The following SUGCT variants were observed in gnomAD, a reference collection of about 807,000 sequenced individuals.
SUGCT encodes succinyl-CoA:glutarate CoA-transferase.
SUGCT carries 41 observed loss-of-function variants against 55.0 expected under a neutral mutation model. That is an observed-to-expected ratio of 0.74 (90% confidence interval 0.58 to 0.97). SUGCT has a LOEUF of 0.97. Among genes scored for constraint, SUGCT ranks in the 50% least tolerant of loss-of-function variants. The pLI, the probability that SUGCT is intolerant of heterozygous loss-of-function variation, is 0.00. For synonymous variants in SUGCT, 187 were observed against 200.4 expected, an observed-to-expected ratio of 0.93 and a Z score of 0.56; for missense variants, 568 against 547.8, an observed-to-expected ratio of 1.04 and a Z score of -0.37.
the SUGCT span, among the ~76,000 whole-genome samples, chr7:41,037,983 G>A: frequency 2.6e-5 from 4 of 152,090 alleles, no homozygotes; most frequent in South Asian, 8.3e-4. Context: ...TCAGAACACA[G>A]GAAAGGAAAA....
chr7:40,682,451 G>A (rs1784293884), intron 12 of SUGCT, among the ~76,000 whole-genome samples: 1 of 152,180 alleles, frequency 6.6e-6, no homozygotes, highest in Admixed American at 6.5e-5. Context: ...CTTGTGACTG[G>A]CATCTGAAGT....
chr7:40,391,284 G>A (rs1443190004), intron 9 of SUGCT, among the ~76,000 whole-genome samples: 4 of 152,228 alleles, frequency 2.6e-5, no homozygotes, highest in African/African-American at 9.6e-5. Context: ...TTGACAAATG[G>A]GATCTAATTA....
intron 9 of SUGCT, among the ~76,000 whole-genome samples, chr7:40,395,242 A>T (rs1279141961): frequency 6.6e-6 from 1 of 152,058 alleles, no homozygotes; most frequent in Non-Finnish European, 1.5e-5. Flanking sequence ...CAATCCCAGC[A>T]TTTTGGGAGG....
At chr7:40,868,988 A>T in the SUGCT span, among the ~76,000 whole-genome samples, 4 of 152,260 alleles carry the variant, frequency 2.6e-5, no homozygotes, top group Non-Finnish European at 5.9e-5. Context: ...TAACCAATGT[A>T]ACATTATGTA....
At chr7:40,841,624 T>A (rs1793286496) in intron 13 of SUGCT, among the ~76,000 whole-genome samples, 1 of 152,224 alleles carries the variant, frequency 6.6e-6, no homozygotes, top group South Asian at 2.1e-4. Flanking sequence ...TTGTAAGACA[T>A]CTCTGACATA....
At chr7:40,234,758 A>G (rs780340116) in intron 6 of SUGCT, among the ~76,000 whole-genome samples, 4 of 151,938 alleles carry the variant, frequency 2.6e-5, no homozygotes, top group Non-Finnish European at 5.9e-5. Context: ...AAAATGCAAA[A>G]ATTAGCTGGG....
chr7:40,573,704 A>T (rs1040685704), intron 12 of SUGCT, among the ~76,000 whole-genome samples: 2 of 152,192 alleles, frequency 1.3e-5, no homozygotes, highest in Non-Finnish European at 2.9e-5. Flanking sequence ...GAAATGGCAG[A>T]TGCCTTAATG....
chr7:40,367,158 C>T (rs533690954), intron 9 of SUGCT, among the ~76,000 whole-genome samples: 57 of 150,872 alleles, frequency 3.8e-4, no homozygotes, highest in East Asian at 1.2e-3. Context: ...AGTAAACTAT[C>T]GCAAGGACAA....
intron 13 of SUGCT, among the ~76,000 whole-genome samples, chr7:40,812,874 A>C (rs528713551): frequency 3.5e-4 from 53 of 152,188 alleles, no homozygotes; most frequent in Middle Eastern, 3.4e-3. Flanking sequence ...CTTTCCTCTT[A>C]TCACTGTTTT....
At chr7:40,904,000 G>A in the SUGCT span, among the ~76,000 whole-genome samples, 112 of 152,132 alleles carry the variant, frequency 7.4e-4, 1 homozygote, top group Non-Finnish European at 2.2e-4. Flanking sequence ...CAAGCTTGGC[G>A]CAGCTTACAT....
intron 12 of SUGCT, among the ~76,000 whole-genome samples, chr7:40,658,058 A>T (rs1801115785): frequency 6.6e-6 from 1 of 152,214 alleles, no homozygotes. Flanking sequence ...AGAACAACTT[A>T]GGTGAAAGGG....
At chr7:40,326,726 ATGGTT>A (rs1796044152) in intron 9 of SUGCT, among the ~76,000 whole-genome samples, 1 of 152,188 alleles carries the variant, frequency 6.6e-6, no homozygotes, top group South Asian at 2.1e-4. Flanking sequence ...AGTTTATTGA[ATGGTT>A]TAATTAATTG....
the SUGCT span, among the ~76,000 whole-genome samples, chr7:40,994,299 C>T: frequency 1.3e-5 from 2 of 152,252 alleles, no homozygotes; most frequent in South Asian, 4.1e-4. Flanking sequence ...AGTTCAGTTT[C>T]TTCCATATCA....
chr7:40,869,051 T>G, the SUGCT span, among the ~76,000 whole-genome samples: 1 of 152,226 alleles, frequency 6.6e-6, no homozygotes, highest in African/African-American at 2.4e-5. Flanking sequence ...TAAACATTAT[T>G]CAAATTTTAC....
chr7:41,000,498 T>G, the SUGCT span, among the ~76,000 whole-genome samples: 1 of 150,840 alleles, frequency 6.6e-6, no homozygotes, highest in Non-Finnish European at 1.5e-5. Context: ...TTTTTTTTTG[T>G]AAGGAATTTG....
At chr7:40,543,531 T>C (rs1045921090) in intron 12 of SUGCT, among the ~76,000 whole-genome samples, 9 of 152,246 alleles carry the variant, frequency 5.9e-5, no homozygotes, top group Admixed American at 5.9e-4. Flanking sequence ...TTGCAAAACC[T>C]TCTGTACCAA....
intron 3 of SUGCT, among the ~76,000 whole-genome samples, chr7:40,182,499 T>A (rs536569313): frequency 1.0e-3 from 155 of 150,644 alleles, no homozygotes; most frequent in African/African-American, 3.6e-3. Context: ...GAGGTGGAGG[T>A]TGCTGTGAGC....
chr7:40,685,084 T>C (rs554082464), intron 12 of SUGCT, among the ~76,000 whole-genome samples: 2 of 152,298 alleles, frequency 1.3e-5, no homozygotes. Context: ...CTCAAACTCC[T>C]GACCTTAAGT....
At chr7:40,694,225 C>A (rs927930234) in intron 12 of SUGCT, among the ~76,000 whole-genome samples, 1 of 152,192 alleles carries the variant, frequency 6.6e-6, no homozygotes, top group African/African-American at 2.4e-5. Context: ...CTAAACCTAC[C>A]AACTTGTTTC....
Sources: allele counts gnomAD v4.1 joint callset (sites outside exome capture counted in the v4.1 genomes callset), GRCh38; gene constraint gnomAD v4.1.1; transcripts MANE v1.5; gene names NCBI Gene and HGNC (gene_info 2026-07-23, HGNC 2026-07-21).